ARHGAP42: variants seen among roughly 807,000 people sequenced by gnomAD.
ARHGAP42 encodes Rho GTPase activating protein 42.
A neutral mutation model predicts 125.0 loss-of-function variants in ARHGAP42; 63 were observed. The observed-to-expected ratio is 0.50, with a 90% CI of 0.41 to 0.62. The LOEUF (loss-of-function observed/expected upper bound fraction) is 0.62, where lower values mean the gene tolerates loss of function less well. Among genes scored for constraint, ARHGAP42 ranks in the 20% least tolerant of loss-of-function variants. ARHGAP42 has a pLI of 0.00. For synonymous variants in ARHGAP42, 339 were observed against 351.0 expected (o/e 0.97, Z 0.38); for missense variants, 766 against 1,024.2 (o/e 0.75, Z 3.44).
chr11:100,884,041 A>G (rs1168635974), intron 4 of ARHGAP42, among the ~76,000 whole-genome samples: 1 of 152,248 alleles, frequency 6.6e-6, no homozygotes, highest in African/African-American at 2.4e-5. Flanking sequence ...CTTAGGCATA[A>G]TTAGAATAAG....
chr11:100,838,213 G>T (rs570000409), intron 3 of ARHGAP42, among the ~76,000 whole-genome samples: 1 of 151,884 alleles, frequency 6.6e-6, no homozygotes, highest in Non-Finnish European at 1.5e-5. Context: ...AGGAATTAAG[G>T]CACCTGGTGT....
chr11:100,840,204 A>G (rs999641365), intron 3 of ARHGAP42, among the ~76,000 whole-genome samples: 1 of 152,150 alleles, frequency 6.6e-6, no homozygotes, highest in Non-Finnish European at 1.5e-5. Context: ...CCTGCAAATG[A>G]TGCGTCCCCT....
chr11:100,732,964 T>A (rs1393253427), intron 1 of ARHGAP42, among the ~76,000 whole-genome samples: 1 of 152,212 alleles, frequency 6.6e-6, no homozygotes, highest in African/African-American at 2.4e-5. Flanking sequence ...TCCAAAATAT[T>A]GAGTCAGATT....
At chr11:100,940,565 G>A (rs1017372221) in intron 8 of ARHGAP42, among the ~76,000 whole-genome samples, 2 of 152,130 alleles carry the variant, frequency 1.3e-5, no homozygotes, top group African/African-American at 4.8e-5. Flanking sequence ...TAACATGGGT[G>A]CTATGGGAAA....
At chr11:100,877,772 T>C (rs10895025) in intron 4 of ARHGAP42, among the ~76,000 whole-genome samples, 96,721 of 151,810 alleles carry the variant, frequency 0.64, 31,776 homozygotes, top group East Asian at 0.96. Context: ...TTTGGGAGGC[T>C]GAGGCAGGCA....
chr11:100,978,177 C>CT (rs1256706944), intron 21 of ARHGAP42, among the ~76,000 whole-genome samples: 35 of 152,020 alleles, frequency 2.3e-4, no homozygotes, highest in Admixed American at 2.3e-3. Context: ...AAGAGTTTCT[C>CT]TTTTGTGATT....
intron 4 of ARHGAP42, among the ~76,000 whole-genome samples, chr11:100,880,720 A>G (rs961403524): frequency 6.6e-6 from 1 of 152,214 alleles, no homozygotes. Context: ...CCAGCAGTGT[A>G]GAAGTGATCC....
At chr11:100,933,743 A>G (rs888836228) in intron 7 of ARHGAP42, among the ~76,000 whole-genome samples, 15 of 152,218 alleles carry the variant, frequency 9.9e-5, no homozygotes, top group African/African-American at 3.6e-4. Context: ...ATACCTCAAG[A>G]AAACTAGAAA....
At chr11:100,764,878 A>G (rs993301135) in intron 1 of ARHGAP42, among the ~76,000 whole-genome samples, 2 of 152,212 alleles carry the variant, frequency 1.3e-5, no homozygotes, top group Admixed American at 1.3e-4. Flanking sequence ...TTTACAAATC[A>G]GTGAGATAAA....
chr11:100,912,282 T>G (rs2135229868), intron 4 of ARHGAP42, among the ~76,000 whole-genome samples: 1 of 152,304 alleles, frequency 6.6e-6, no homozygotes, highest in South Asian at 2.1e-4. Context: ...TTCTTTCCCT[T>G]CCACCACCCA....
At chr11:100,726,243 T>C (rs181855823) in intron 1 of ARHGAP42, among the ~76,000 whole-genome samples, 27 of 152,342 alleles carry the variant, frequency 1.8e-4, no homozygotes, top group Non-Finnish European at 2.9e-4. Flanking sequence ...TTTCAGAAAG[T>C]AATCCCCAAG....
chr11:100,878,206 G>C (rs376666751), intron 4 of ARHGAP42, among the ~76,000 whole-genome samples: 2 of 151,582 alleles, frequency 1.3e-5, no homozygotes, highest in East Asian at 4.0e-4. Flanking sequence ...TCAGCTCACC[G>C]CAACCTCCGC....
chr11:100,887,624 G>A (rs547186549), intron 4 of ARHGAP42, among the ~76,000 whole-genome samples: 3 of 152,308 alleles, frequency 2.0e-5, no homozygotes, highest in Admixed American at 6.5e-5. Flanking sequence ...ACTGTGTGAC[G>A]TTAAATGATG....
chr11:100,737,136 C>T (rs554999362), intron 1 of ARHGAP42, among the ~76,000 whole-genome samples: 113 of 152,210 alleles, frequency 7.4e-4, no homozygotes, highest in African/African-American at 2.6e-3. Context: ...TATTTGTGAA[C>T]AAGTGGAAAA....
At chr11:100,757,771 G>A (rs1467662654) in intron 1 of ARHGAP42, among the ~76,000 whole-genome samples, 4 of 152,154 alleles carry the variant, frequency 2.6e-5, no homozygotes, top group Non-Finnish European at 5.9e-5. Context: ...AAAAAACACT[G>A]TGTAAATGGA....
intron 2 of ARHGAP42, among the ~76,000 whole-genome samples, chr11:100,779,648 C>T (rs1169537798): frequency 7.2e-6 from 1 of 138,868 alleles, no homozygotes; most frequent in Non-Finnish European, 1.6e-5. Flanking sequence ...GTATGCTAAT[C>T]TAAATTTTCA....
intron 1 of ARHGAP42, among the ~76,000 whole-genome samples, chr11:100,733,819 T>C (rs1354630816): frequency 2.1e-5 from 2 of 94,828 alleles, no homozygotes; most frequent in East Asian, 7.0e-4. Flanking sequence ...AGCAAGATTC[T>C]GTCTGGAAAA....
intron 3 of ARHGAP42, among the ~76,000 whole-genome samples, chr11:100,796,877 C>T (rs908067033): frequency 3.4e-5 from 5 of 148,726 alleles, no homozygotes; most frequent in Non-Finnish European, 5.9e-5. Flanking sequence ...TCAAGCGATT[C>T]TCCTGCCTCA....
chr11:100,946,014 C>T (rs1361859178), intron 10 of ARHGAP42, among the ~76,000 whole-genome samples: 1 of 152,068 alleles, frequency 6.6e-6, no homozygotes, highest in Admixed American at 6.6e-5. Flanking sequence ...TTACTGTAGC[C>T]ACCTTCATCC....
Sources: gnomAD v4.1 joint callset for allele counts (sites outside exome capture counted in the v4.1 genomes callset) on GRCh38, gnomAD v4.1.1 for gene constraint, MANE v1.5 for transcripts, NCBI Gene and HGNC (gene_info 2026-07-23, HGNC 2026-07-21) for gene names.